Variants in SORCS3 observed in about 807,000 individuals in gnomAD.
SORCS3 encodes sortilin related VPS10 domain containing receptor 3.
In SORCS3, 57 loss-of-function variants were observed where a neutral mutation model predicts 146.3. That is an observed-to-expected ratio of 0.39 (90% confidence interval 0.31 to 0.49). SORCS3 has a LOEUF of 0.49. Ranked by LOEUF, SORCS3 falls within the 20% of genes least tolerant of loss-of-function variation. SORCS3 has a pLI of 0.92. For missense variants in SORCS3, 1,341 were observed against 1,575.5 expected, an observed-to-expected ratio of 0.85 and a Z score of 2.52; for synonymous variants, 653 against 618.5, an observed-to-expected ratio of 1.06 and a Z score of -0.83.
chr10:104,874,416 T>A (rs2018549891), intron 2 of SORCS3, among the ~76,000 whole-genome samples: 1 of 152,182 alleles, frequency 6.6e-6, no homozygotes, highest in South Asian at 2.1e-4. Context: ...ACTGTTATAA[T>A]AAACATCTTA....
chr10:104,887,762 C>T (rs140108059), intron 2 of SORCS3, among the ~76,000 whole-genome samples: 6 of 152,272 alleles, frequency 3.9e-5, no homozygotes, highest in Admixed American at 2.0e-4. Context: ...CTTATTCTCA[C>T]CTCTATGACT....
At chr10:104,714,870 G>A (rs1274235897) in intron 1 of SORCS3, among the ~76,000 whole-genome samples, 1 of 152,130 alleles carries the variant, frequency 6.6e-6, no homozygotes, top group Non-Finnish European at 1.5e-5. Context: ...AGTTAAATGA[G>A]GGTAACTTTC....
chr10:104,997,437 A>G (rs1694255436), intron 4 of SORCS3, among the ~76,000 whole-genome samples: 1 of 152,176 alleles, frequency 6.6e-6, no homozygotes, highest in Non-Finnish European at 1.5e-5. Flanking sequence ...GAGACTTAAC[A>G]TTTCCATCAA....
intron 23 of SORCS3, among the ~76,000 whole-genome samples, chr10:105,253,771 T>C (rs1217492792): frequency 6.6e-6 from 1 of 152,238 alleles, no homozygotes. Context: ...TCCACAGACA[T>C]TGAGCGGTAG....
chr10:104,642,021 GGA>G, intron 1 of SORCS3, 67 bp downstream of exon 1: 1 of 369,180 alleles, frequency 2.7e-6, no homozygotes, highest in Admixed American at 3.6e-5. Flanking sequence ...GGGGTGGGTG[GGA>G]GCGAGGGACA....
intron 5 of SORCS3, among the ~76,000 whole-genome samples, chr10:105,076,625 G>A (rs1317515506): frequency 1.3e-5 from 2 of 152,136 alleles, no homozygotes; most frequent in Admixed American, 1.3e-4. Flanking sequence ...GACGATTTGT[G>A]CCTCATGTAG....
chr10:104,995,900 G>T (rs899027456), intron 4 of SORCS3, among the ~76,000 whole-genome samples: 1 of 151,854 alleles, frequency 6.6e-6, no homozygotes, highest in Admixed American at 6.6e-5. Flanking sequence ...TTATGTTTAG[G>T]CCAATAATCA....
chr10:105,242,594 A>T (rs2056836930), intron 20 of SORCS3, among the ~76,000 whole-genome samples: 1 of 89,444 alleles, frequency 1.1e-5, no homozygotes, highest in African/African-American at 4.7e-5. Flanking sequence ...ATATTTATAT[A>T]TGTTTATATA....
At chr10:104,860,701 T>C (rs1311206034) in intron 2 of SORCS3, among the ~76,000 whole-genome samples, 1 of 152,188 alleles carries the variant, frequency 6.6e-6, no homozygotes, top group East Asian at 1.9e-4. Flanking sequence ...AACTCATTGC[T>C]ATAATAAACC....
intron 25 of SORCS3, among the ~76,000 whole-genome samples, chr10:105,261,067 G>T (rs74155107): frequency 6.6e-6 from 1 of 152,186 alleles, no homozygotes; most frequent in Non-Finnish European, 1.5e-5. Flanking sequence ...GTGCTAAGTC[G>T]TGTGGATAGC....
intron 3 of SORCS3, among the ~76,000 whole-genome samples, chr10:104,937,605 G>A (rs1253847512): frequency 6.6e-6 from 1 of 152,240 alleles, no homozygotes; most frequent in African/African-American, 2.4e-5. Context: ...GAAGGATGGT[G>A]CATATGATAC....
intron 7 of SORCS3, among the ~76,000 whole-genome samples, chr10:105,126,742 C>T (rs2055977527): frequency 6.6e-6 from 1 of 152,104 alleles, no homozygotes; most frequent in Non-Finnish European, 1.5e-5. Flanking sequence ...TTAGTTGTCC[C>T]CTTGTGTCTT....
At chr10:105,135,588 A>G (rs2056053597) in intron 7 of SORCS3, among the ~76,000 whole-genome samples, 2 of 152,056 alleles carry the variant, frequency 1.3e-5, no homozygotes, top group African/African-American at 4.8e-5. Flanking sequence ...TTCCCTTTCA[A>G]TTGTAAGCTG....
intron 1 of SORCS3, among the ~76,000 whole-genome samples, chr10:104,678,142 T>C (rs1258839075): frequency 7.0e-6 from 1 of 142,982 alleles, no homozygotes; most frequent in Admixed American, 7.3e-5. Flanking sequence ...CATAGACCCA[T>C]TGAAGCAACA....
intron 17 of SORCS3, 30 bp downstream of exon 17, chr10:105,211,280 C>T (rs751092227): frequency 7.5e-6 from 11 of 1,463,880 alleles, no homozygotes; most frequent in Admixed American, 1.7e-5. Context: ...GAACTCAGCT[C>T]CCTGTTTTCC....
chr10:105,051,180 C>A (rs1036702223), intron 5 of SORCS3, among the ~76,000 whole-genome samples: 1 of 152,100 alleles, frequency 6.6e-6, no homozygotes, highest in Non-Finnish European at 1.5e-5. Context: ...ACACACAAGG[C>A]ATGTATGTAC....
intron 1 of SORCS3, among the ~76,000 whole-genome samples, chr10:104,705,560 A>T (rs1412776209): frequency 6.6e-6 from 1 of 152,226 alleles, no homozygotes; most frequent in Non-Finnish European, 1.5e-5. Flanking sequence ...AAACAATGTA[A>T]TTATAATGAC....
intron 21 of SORCS3, 100 bp downstream of exon 21, chr10:105,245,765 C>A (rs935021365): frequency 1.4e-6 from 2 of 1,428,720 alleles, no homozygotes; most frequent in African/African-American, 1.4e-5. Context: ...ATTCCTCAGG[C>A]CCTGGGAAAA....
At chr10:104,994,608 T>C (rs1025415963) in intron 4 of SORCS3, among the ~76,000 whole-genome samples, 4 of 152,204 alleles carry the variant, frequency 2.6e-5, no homozygotes, top group Non-Finnish European at 4.4e-5. Flanking sequence ...TCTTCCATCC[T>C]TTTTCATCCC....
Sources: allele counts gnomAD v4.1 joint callset (sites outside exome capture counted in the v4.1 genomes callset), GRCh38; gene constraint gnomAD v4.1.1; transcripts MANE v1.5; gene names NCBI Gene and HGNC (gene_info 2026-07-23, HGNC 2026-07-21).